The following ACVR1C variants were observed in gnomAD, a reference collection of about 807,000 sequenced individuals.
The protein encoded by ACVR1C is activin A receptor type 1C.
Under a neutral mutation model 57.9 loss-of-function variants are expected in ACVR1C, and 23 were observed. That is an observed-to-expected ratio of 0.40 (90% CI 0.29 to 0.56). The LOEUF is 0.56. Among genes scored for constraint, ACVR1C ranks in the 20% least tolerant of loss-of-function variants. The probability of loss-of-function intolerance (pLI) is 0.50; values close to 1 mark genes in which losing one functional copy is unlikely to be tolerated. For missense variants in ACVR1C, 480 were observed against 607.9 expected (o/e 0.79, Z 2.21); for synonymous variants, 214 against 215.3 (o/e 0.99, Z 0.05).
At chr2:157,590,921 G>C (rs1689043997) in intron 1 of ACVR1C, among the ~76,000 whole-genome samples, 1 of 151,836 alleles carries the variant, frequency 6.6e-6, no homozygotes, top group African/African-American at 2.4e-5. Context: ...TATATGAAAG[G>C]CAGGACTAAT....
chr2:157,537,736 T>C (rs754733798), intron 8 of ACVR1C, among the ~76,000 whole-genome samples: 2 of 152,146 alleles, frequency 1.3e-5, no homozygotes, highest in Non-Finnish European at 2.9e-5. Flanking sequence ...GATTAAAGTA[T>C]CAGAATGGTT....
At position 157,530,791 on chromosome 2, in the gene ACVR1C, C is replaced by T. The variant is rs1034913114; in HGVS notation, c.*3127G>A. The T allele has an allele frequency of 1.3e-5, 2 of 151,972 alleles. No homozygotes were observed. Among genetic ancestry groups the T allele is most frequent in the African/African-American group, 4.8e-5 (2 of 41,400 alleles). The allele number at this position is 151,972 out of a possible 1,614,324, so 9.4% of individuals were successfully genotyped here. Reference sequence around the variant, plus strand: ...AATTAAGAATTCTAGATGTGACATGCCAAATATTTTAGACATAGAAGAAAG... The same window carrying T: ...AATTAAGAATTCTAGATGTGACATGTCAAATATTTTAGACATAGAAGAAAG... On this transcript the variant is annotated 3_prime_UTR_variant, in exon 9 of 9. Transcript: ENST00000243349.
At position 157,542,846 on chromosome 2, in the gene ACVR1C, A is replaced by C; in HGVS notation, c.960T>G (p.Ala320=). 6.2e-7 allele frequency: 1 copy of C among 1,613,986 alleles called. No homozygotes were observed. The highest frequency in any genetic ancestry group is 8.5e-7 in the Non-Finnish European group (1 of 1,179,940). ...IVGTQGKPAI[A]HRDIKSKNIL... ...TATTCTTTGATTTTATGTCTCGATG[A>C]GCAATAGCAGGTTTACCTATGAAGC... Residue 320 remains alanine (A), a synonymous_variant, in exon 6 of 9, where the codon GCT becomes GCG. Transcript: ENST00000243349.
chr2:157,538,879 T>C (rs1190807283), intron 7 of ACVR1C, among the ~76,000 whole-genome samples, 176 bp from the exon 8 acceptor site: 1 of 151,530 alleles, frequency 6.6e-6, no homozygotes, highest in African/African-American at 2.4e-5. Context: ...AATCATCCAG[T>C]TGAATAGTTA....
chr2:157,602,962 T>C (rs1042250656), intron 1 of ACVR1C, among the ~76,000 whole-genome samples: 1 of 152,074 alleles, frequency 6.6e-6, no homozygotes, highest in Non-Finnish European at 1.5e-5. Flanking sequence ...TCACAGGGAG[T>C]AGCTAAACAT....
intron 3 of ACVR1C, among the ~76,000 whole-genome samples, chr2:157,551,458 A>G (rs1687922837): frequency 6.6e-6 from 1 of 152,244 alleles, no homozygotes; most frequent in African/African-American, 2.4e-5. Flanking sequence ...TACTTTTGCT[A>G]TAATATTAAA....
At chr2:157,622,249 A>C (rs1272547308) in intron 1 of ACVR1C, among the ~76,000 whole-genome samples, 1 of 152,190 alleles carries the variant, frequency 6.6e-6, no homozygotes, top group Admixed American at 6.5e-5. Context: ...TTCTTCACAG[A>C]AATAGAAAAA....
Position 157,533,373 on chromosome 2 carries a change from T to C in ACVR1C, c.*545A>G, listed in dbSNP as rs1201120667. The C allele has an allele frequency of 6.6e-6, 1 of 152,520 alleles. No individual in the cohort carries two copies. Among genetic ancestry groups the C allele is most frequent in the Non-Finnish European group, 1.5e-5 (1 of 68,052 alleles). The allele number at this position is 152,520 out of a possible 1,614,324, so 9.4% of individuals were successfully genotyped here. ...AGACCAAGCACATGGGACACCCACCTCACTTACATCTTCCACTAAGCAGCT... is the reference window on the plus strand; with the variant it reads ...AGACCAAGCACATGGGACACCCACCCCACTTACATCTTCCACTAAGCAGCT... On this transcript the variant is annotated 3_prime_UTR_variant, in exon 9 of 9. Coordinates refer to ENST00000243349, the MANE Select transcript of ACVR1C (RefSeq NM_145259.3).
At chr2:157,555,102 T>C (rs971414778) in intron 3 of ACVR1C, among the ~76,000 whole-genome samples, 1 of 41,060 alleles carries the variant, frequency 2.4e-5, no homozygotes, top group Non-Finnish European at 5.5e-5. Flanking sequence ...CTTTGAACGC[T>C]TTTTTTTTTT....
chr2:157,628,749 G>T lies in ACVR1C; in HGVS notation c.-105C>A, dbSNP rs1057173676. ...TTCCCGGGCCGCGGGAGGGGAGCGCGGCACCGACACCCTTTTGAAGTGCGC... is the reference window on the plus strand; with the variant it reads ...TTCCCGGGCCGCGGGAGGGGAGCGCTGCACCGACACCCTTTTGAAGTGCGC... On this transcript the variant is annotated 5_prime_UTR_variant, in exon 1 of 9. Coordinates refer to ENST00000243349, the MANE Select transcript of ACVR1C (RefSeq NM_145259.3). The T allele has an allele frequency of 7.8e-6, 8 of 1,028,004 alleles. No individual in the cohort carries two copies. In the African/African-American group the frequency reaches 1.0e-4, roughly 13 times the overall value. 63.7% of individuals were successfully genotyped at this position (1,028,004 alleles called of 1,614,324 possible). A position where few individuals can be genotyped will look rare whatever the true frequency, so the allele number is the denominator to read the frequency against.
At chr2:157,563,522 G>A (rs1156676070) in intron 2 of ACVR1C, among the ~76,000 whole-genome samples, 5 of 152,122 alleles carry the variant, frequency 3.3e-5, no homozygotes, top group East Asian at 1.9e-4. Context: ...AATCAATATC[G>A]TGAAAATGGC....
At chr2:157,552,374 C>T (rs535923670) in intron 3 of ACVR1C, among the ~76,000 whole-genome samples, 4 of 152,338 alleles carry the variant, frequency 2.6e-5, no homozygotes, top group Admixed American at 6.5e-5. Context: ...CTCAAGTGAT[C>T]CACCTGCCTC....
At chr2:157,558,202 C>T (rs1418843181) in intron 2 of ACVR1C, among the ~76,000 whole-genome samples, 1 of 152,106 alleles carries the variant, frequency 6.6e-6, no homozygotes, top group Non-Finnish European at 1.5e-5. Flanking sequence ...AAACTGCCTC[C>T]CCAGATGATT....
intron 1 of ACVR1C, among the ~76,000 whole-genome samples, chr2:157,588,966 G>T (rs768151509): frequency 1.3e-4 from 19 of 149,130 alleles, no homozygotes; most frequent in Non-Finnish European, 2.4e-4. Context: ...ATCGGTTGAT[G>T]GGCACTTAAA....
At chr2:157,623,843 T>C (rs1294461811) in intron 1 of ACVR1C, among the ~76,000 whole-genome samples, 1 of 152,112 alleles carries the variant, frequency 6.6e-6, no homozygotes, top group African/African-American at 2.4e-5. Flanking sequence ...TATCAAAACA[T>C]CTCATGTACC....
At chr2:157,590,350 C>A (rs1689032005) in intron 1 of ACVR1C, among the ~76,000 whole-genome samples, 1 of 151,778 alleles carries the variant, frequency 6.6e-6, no homozygotes, top group Non-Finnish European at 1.5e-5. Context: ...ACACAAATGA[C>A]AACTTTTACT....
intron 2 of ACVR1C, 50 bp from the exon 3 acceptor site, chr2:157,556,382 TATTTTTGGA>T (rs746661352): frequency 2.5e-6 from 4 of 1,597,422 alleles, no homozygotes; most frequent in Non-Finnish European, 3.4e-6. Context: ...CCATTTTAAG[TATTTTTGGA>T]ATTGGAATTG....
Position 157,601,686 on chromosome 2 carries a change from G to C in ACVR1C, c.74-14269C>G, listed in dbSNP as rs182434194. Among the ~76,000 whole-genome samples, 368 of 152,272 alleles carry C rather than the reference G, an allele frequency of 2.4e-3. 2 individuals are homozygous for C. The highest frequency in any genetic ancestry group is 8.6e-3 in the African/African-American group (357 of 41,558). On this transcript the variant is annotated intron_variant, in intron 1 of 8. Coordinates refer to ENST00000243349, the MANE Select transcript of ACVR1C (RefSeq NM_145259.3). Reference sequence around the variant, plus strand: ...GTTTAACATTGTTGGAATTCAGCAAGGTGCAGTAAAAAAGATCCTGCACTT... The same window carrying C: ...GTTTAACATTGTTGGAATTCAGCAACGTGCAGTAAAAAAGATCCTGCACTT...
intron 1 of ACVR1C, among the ~76,000 whole-genome samples, chr2:157,599,030 T>C (rs958279921): frequency 6.6e-5 from 10 of 151,956 alleles, no homozygotes; most frequent in African/African-American, 2.4e-4. Flanking sequence ...TGGAATATTC[T>C]GGAAACTGAA....
Sources: gnomAD v4.1 joint callset for allele counts (sites outside exome capture counted in the v4.1 genomes callset) on GRCh38, gnomAD v4.1.1 for gene constraint, MANE v1.5 for transcripts, NCBI Gene and HGNC (gene_info 2026-07-23, HGNC 2026-07-21) for gene names.